The following EPHA6 variants were observed in gnomAD, a reference collection of about 807,000 sequenced individuals.
EPHA6 encodes ephrin type-A receptor 6.
A neutral mutation model predicts 112.0 loss-of-function variants in EPHA6; 50 were observed. That is an observed-to-expected ratio of 0.45 (90% CI 0.36 to 0.56). The LOEUF is 0.56. EPHA6 is among the 20% of genes least tolerant of loss of function. The pLI is 0.00. For synonymous variants in EPHA6, 529 were observed against 490.7 expected (o/e 1.08, Z -1.03); for missense variants, 1,280 against 1,417.4 (o/e 0.90, Z 1.56).
At chr3:97,489,403 A>T (rs2091779270) in intron 10 of EPHA6, among the ~76,000 whole-genome samples, 1 of 152,222 alleles carries the variant, frequency 6.6e-6, no homozygotes, top group Admixed American at 6.5e-5. Flanking sequence ...AAGAAACTCA[A>T]GGCAGGGCAC....
rs574553839 is a variant in EPHA6 at position 97,198,368 on chromosome 3, C to T, written c.1115-27896C>T. Among the ~76,000 whole-genome samples the T allele has an allele frequency of 2.6e-5, 4 of 152,200 alleles. No homozygotes were observed. The South Asian group carries it at 6.2e-4, about 24-fold the overall frequency. ...ATCCTCCCGGTGCTGTTATTTATTC[C>T]TAGCATACCTTTGATTTTAGATTCA... On this transcript the variant is annotated intron_variant, in intron 3 of 17. Transcript: ENST00000389672.
intron 3 of EPHA6, among the ~76,000 whole-genome samples, chr3:97,118,624 A>G (rs902006346): frequency 5.3e-5 from 8 of 151,972 alleles, no homozygotes; most frequent in African/African-American, 1.4e-4. Context: ...AGGACCTACT[A>G]GGATCCATTT....
chr3:97,354,001 T>C (rs1443041765), intron 5 of EPHA6, among the ~76,000 whole-genome samples: 2 of 152,166 alleles, frequency 1.3e-5, no homozygotes, highest in African/African-American at 4.8e-5. Context: ...TCCAGGGAAT[T>C]CTCTGATATC....
chr3:97,256,459 G>T (rs1314106252), intron 5 of EPHA6, among the ~76,000 whole-genome samples: 1 of 151,914 alleles, frequency 6.6e-6, no homozygotes, highest in Non-Finnish European at 1.5e-5. Context: ...CAAAATCATT[G>T]TTGCCTATTG....
chr3:97,342,185 C>T (rs574561088), intron 5 of EPHA6, among the ~76,000 whole-genome samples: 143 of 152,316 alleles, frequency 9.4e-4, no homozygotes, highest in Middle Eastern at 3.4e-3. Flanking sequence ...AGAACTGGAA[C>T]TCATAGCAAA....
At chr3:97,728,327 A>G (rs981694410) in intron 15 of EPHA6, among the ~76,000 whole-genome samples, 1 of 151,246 alleles carries the variant, frequency 6.6e-6, no homozygotes, top group African/African-American at 2.4e-5. Flanking sequence ...CTTCTTAAAG[A>G]AAAAAAAATA....
chr3:97,526,503 T>A (rs1049488055), intron 10 of EPHA6, among the ~76,000 whole-genome samples: 1 of 152,096 alleles, frequency 6.6e-6, no homozygotes, highest in Non-Finnish European at 1.5e-5. Context: ...AGAACCCCAA[T>A]AGATCCCTAT....
intron 3 of EPHA6, among the ~76,000 whole-genome samples, chr3:97,148,586 T>C (rs2076096641): frequency 6.6e-6 from 1 of 152,114 alleles, no homozygotes. Flanking sequence ...TTTGAGATGA[T>C]GCGAATGCTT....
chr3:96,926,925 C>G (rs1449814510), intron 2 of EPHA6, among the ~76,000 whole-genome samples: 1 of 152,160 alleles, frequency 6.6e-6, no homozygotes, highest in Non-Finnish European at 1.5e-5. Flanking sequence ...TAGGCAGTGC[C>G]CCAGTAGGGA....
chr3:97,068,154 CA>C (rs1396275493), intron 3 of EPHA6, among the ~76,000 whole-genome samples: 3 of 61,004 alleles, frequency 4.9e-5, no homozygotes, highest in Non-Finnish European at 8.3e-5. Context: ...GACTCCATCT[CA>C]AAAAAAAAAG....
intron 2 of EPHA6, among the ~76,000 whole-genome samples, chr3:96,937,770 G>A (rs951067970): frequency 6.6e-6 from 1 of 152,086 alleles, no homozygotes; most frequent in African/African-American, 2.4e-5. Flanking sequence ...AATCCATCTT[G>A]AATTAATTTT....
intron 5 of EPHA6, among the ~76,000 whole-genome samples, chr3:97,384,710 T>A (rs1011946385): frequency 6.6e-6 from 1 of 152,224 alleles, no homozygotes; most frequent in Non-Finnish European, 1.5e-5. Context: ...GTAATTTTTT[T>A]ATTTTAGATA....
rs1021097251 is a variant in EPHA6, at chr3:97,127,286, T to G, written c.1115-98978T>G. On this transcript the variant is annotated intron_variant, in intron 3 of 17. Coordinates refer to ENST00000389672, the MANE Select transcript of EPHA6 (RefSeq NM_001080448.3). Reference sequence around the variant, plus strand: ...CTGCTTTGCTCTGTATTTCTGTGTCTTCACTGATAAGGATGTTCCTTTCCT... The same window carrying G: ...CTGCTTTGCTCTGTATTTCTGTGTCGTCACTGATAAGGATGTTCCTTTCCT... Among the ~76,000 whole-genome samples the G allele has an allele frequency of 2.0e-5, 3 of 152,132 alleles. No homozygotes were observed. In the South Asian group the frequency reaches 6.2e-4, roughly 32 times the overall value.
chr3:97,372,706 TC>T (rs1293669435), intron 5 of EPHA6, among the ~76,000 whole-genome samples: 1 of 152,094 alleles, frequency 6.6e-6, no homozygotes, highest in Non-Finnish European at 1.5e-5. Context: ...CATAATATAA[TC>T]CATTTTAAGT....
At chr3:97,397,754 G>T (rs537100032) in intron 5 of EPHA6, among the ~76,000 whole-genome samples, 1 of 151,512 alleles carries the variant, frequency 6.6e-6, no homozygotes, top group Non-Finnish European at 1.5e-5. Flanking sequence ...TTAGAGGAAT[G>T]ATTTCATTAA....
intron 2 of EPHA6, among the ~76,000 whole-genome samples, chr3:96,895,790 G>A (rs930750006): frequency 2.6e-5 from 4 of 152,100 alleles, no homozygotes; most frequent in South Asian, 4.1e-4. Context: ...TAGGTGCATC[G>A]CTCTACTTTG....
At chr3:97,249,269 A>G (rs1023931964) in intron 5 of EPHA6, among the ~76,000 whole-genome samples, 2 of 152,166 alleles carry the variant, frequency 1.3e-5, no homozygotes, top group African/African-American at 4.8e-5. Context: ...TGTCTTCAAC[A>G]AAAGTGTTGT....
chr3:97,750,549 G>A lies in EPHA6; in HGVS notation c.*1848G>A, dbSNP rs868647313. 3.9e-5 allele frequency among the ~76,000 whole-genome samples: 6 copies of A among 151,928 alleles called. No homozygotes were observed. Among genetic ancestry groups the A allele is most frequent in the African/African-American group, 1.2e-4 (5 of 41,376 alleles). ...TTTTTGTATTTTTAGTAGAGACGGG[G>A]TTTCACCATGTTGGCCAGGCTGCTC... is the stretch of plus-strand genomic sequence containing the variant. On this transcript the variant is annotated 3_prime_UTR_variant, in exon 18 of 18. Coordinates refer to ENST00000389672, the MANE Select transcript of EPHA6 (RefSeq NM_001080448.3).
chr3:96,849,425 T>C lies in EPHA6; in HGVS notation c.386-17400T>C, dbSNP rs2035260963. Among the ~76,000 whole-genome samples the C allele has an allele frequency of 2.6e-5, 4 of 152,218 alleles. No homozygotes were observed. In the East Asian group the frequency reaches 7.7e-4, roughly 29 times the overall value. On this transcript the variant is annotated intron_variant, in intron 1 of 17. Transcript: ENST00000389672. ...TAAATAAATATATAGAGAATTATTTTTGGGCTTTGTGTCAGGAAAACTTCC... is the reference window on the plus strand; with the variant it reads ...TAAATAAATATATAGAGAATTATTTCTGGGCTTTGTGTCAGGAAAACTTCC...
Sources: allele counts gnomAD v4.1 joint callset (sites outside exome capture counted in the v4.1 genomes callset), GRCh38; gene constraint gnomAD v4.1.1; transcripts MANE v1.5; gene names NCBI Gene and HGNC (gene_info 2026-07-23, HGNC 2026-07-21).